The following PTK2 variants were observed in gnomAD, a reference collection of about 807,000 sequenced individuals.
The protein encoded by PTK2 is protein tyrosine kinase 2.
Under a neutral mutation model 150.1 loss-of-function variants are expected in PTK2, and 45 were observed. That is an observed-to-expected ratio of 0.30 (90% confidence interval 0.24 to 0.38). The LOEUF (loss-of-function observed/expected upper bound fraction) is 0.38, where lower values mean the gene tolerates loss of function less well. PTK2 is among the 10% of genes least tolerant of loss of function. The probability of loss-of-function intolerance (pLI) is 1.00; values close to 1 mark genes in which losing one functional copy is unlikely to be tolerated. For missense variants in PTK2, 919 were observed against 1,307.3 expected, an observed-to-expected ratio of 0.70 and a Z score of 4.58; for synonymous variants, 432 against 449.2, an observed-to-expected ratio of 0.96 and a Z score of 0.48.
chr8:140,782,958 G>C (rs1424559865), intron 14 of PTK2, among the ~76,000 whole-genome samples: 1 of 152,096 alleles, frequency 6.6e-6, no homozygotes, highest in African/African-American at 2.4e-5. Flanking sequence ...GTCAACATAG[G>C]CTAGGTGCAG....
chr8:140,704,753 G>A (rs1189531032), intron 24 of PTK2, among the ~76,000 whole-genome samples: 1 of 152,092 alleles, frequency 6.6e-6, no homozygotes, highest in East Asian at 1.9e-4. Flanking sequence ...CCATTGCTCT[G>A]ACCCTTGTGC....
At chr8:140,951,783 CT>C (rs1435152912) in intron 1 of PTK2, among the ~76,000 whole-genome samples, 1 of 151,742 alleles carries the variant, frequency 6.6e-6, no homozygotes, top group Non-Finnish European at 1.5e-5. Flanking sequence ...ACTTGGGAGA[CT>C]GAAATGGGCG....
intron 8 of PTK2, among the ~76,000 whole-genome samples, chr8:140,819,966 T>A (rs1597106351): frequency 6.7e-6 from 1 of 150,188 alleles, no homozygotes; most frequent in Non-Finnish European, 1.5e-5. Context: ...TGAGGTCTAA[T>A]GAAGAGGGGC....
chr8:140,668,532 G>GA, intron 29 of PTK2, 108 bp from the exon 34 acceptor site: 4 of 1,286,296 alleles, frequency 3.1e-6, no homozygotes, highest in Non-Finnish European at 4.3e-6. Flanking sequence ...GATTGCAGAA[G>GA]GTCATTGATT....
At chr8:140,820,092 T>G (rs2100107392) in intron 8 of PTK2, among the ~76,000 whole-genome samples, 4 of 64,412 alleles carry the variant, frequency 6.2e-5, no homozygotes, top group Admixed American at 1.6e-4. Context: ...TTTTTTTTTT[T>G]TTTTTTTTTT....
intron 8 of PTK2, among the ~76,000 whole-genome samples, chr8:140,829,906 G>A (rs1239388548): frequency 1.3e-5 from 2 of 152,096 alleles, no homozygotes; most frequent in Non-Finnish European, 2.9e-5. Flanking sequence ...GTGTGCTCTG[G>A]ATTAGCTGGG....
rs1206845751 is a variant in PTK2, at chr8:140,922,206, A to ACT, written c.-33+3453_-33+3454dup. On this transcript the variant is annotated intron_variant, in intron 2 of 31. Transcript: ENST00000522684. ...ACAGTTGTTTCATTTCTAACATGCT[A>ACT]CTCTTGATGATGGCTTTGTCTCTAG... Among the ~76,000 whole-genome samples, 6 of 151,868 alleles carry ACT rather than the reference A, an allele frequency of 4.0e-5. No homozygotes were observed. In the East Asian group the frequency reaches 1.2e-3, roughly 29 times the overall value.
intron 22 of PTK2, among the ~76,000 whole-genome samples, chr8:140,723,298 C>G (rs2100044029): frequency 6.6e-6 from 1 of 152,194 alleles, no homozygotes; most frequent in South Asian, 2.1e-4. Context: ...CGAGTTGTTC[C>G]TCAAAGAACA....
At chr8:140,810,194 G>C (rs1191330518) in intron 10 of PTK2, among the ~76,000 whole-genome samples, 1 of 152,240 alleles carries the variant, frequency 6.6e-6, no homozygotes, top group African/African-American at 2.4e-5. Context: ...GTGGCAGGGA[G>C]AGCTGCTTAG....
intron 22 of PTK2, among the ~76,000 whole-genome samples, chr8:140,732,810 A>C (rs1465742561): frequency 6.6e-6 from 1 of 152,200 alleles, no homozygotes; most frequent in African/African-American, 2.4e-5. Flanking sequence ...GGAGACTCAG[A>C]GGGTGAAGGC....
intron 21 of PTK2, among the ~76,000 whole-genome samples, chr8:140,736,527 C>A (rs1462561596): frequency 1.6e-3 from 229 of 143,212 alleles, no homozygotes; most frequent in Non-Finnish European, 2.1e-3. Context: ...ATCTAAAATT[C>A]AAAAAAAAAA....
intron 4 of PTK2, among the ~76,000 whole-genome samples, chr8:140,872,851 G>A (rs1239454675): frequency 1.3e-5 from 2 of 152,190 alleles, no homozygotes; most frequent in African/African-American, 4.8e-5. Flanking sequence ...TTTTAATTGA[G>A]GTAAAATTAA....
chr8:140,749,611 T>C (rs2100061525), intron 17 of PTK2, among the ~76,000 whole-genome samples: 1 of 152,268 alleles, frequency 6.6e-6, no homozygotes, highest in East Asian at 1.9e-4. Context: ...TTTTCTGTCC[T>C]GTCTGTGGAT....
chr8:140,743,187 A>C, intron 20 of PTK2, 43 bp downstream of exon 23: 1 of 1,316,290 alleles, frequency 7.6e-7, no homozygotes, highest in Non-Finnish European at 1.1e-6. Context: ...AAATACGTTA[A>C]AGATTCCAAG....
intron 16 of PTK2, among the ~76,000 whole-genome samples, chr8:140,754,598 T>C (rs1177263911): frequency 6.6e-6 from 1 of 152,212 alleles, no homozygotes; most frequent in Non-Finnish European, 1.5e-5. Flanking sequence ...TCAGTAAACA[T>C]GGTGCTTTAT....
intron 3 of PTK2, among the ~76,000 whole-genome samples, chr8:140,882,915 T>A (rs1600439572): frequency 6.6e-6 from 1 of 152,298 alleles, no homozygotes; most frequent in East Asian, 1.9e-4. Flanking sequence ...GAGTATCATT[T>A]ATCTCACATT....
chr8:140,828,072 CAGA>C (rs2100112934), intron 8 of PTK2, among the ~76,000 whole-genome samples: 1 of 149,782 alleles, frequency 6.7e-6, no homozygotes, highest in African/African-American at 2.5e-5. Context: ...GAGACTGAGG[CAGA>C]AGAATTGCTT....
intron 3 of PTK2, among the ~76,000 whole-genome samples, chr8:140,883,558 C>T (rs1336633768): frequency 2.0e-5 from 3 of 152,104 alleles, no homozygotes; most frequent in African/African-American, 7.2e-5. Context: ...CATTGTGTTT[C>T]TCTTTCAGAT....
At chr8:140,770,760 C>A (rs756426557) in intron 14 of PTK2, 2 of 1,354,760 alleles carry the variant, frequency 1.5e-6, no homozygotes, top group Non-Finnish European at 2.0e-6. Context: ...AGGGAGAAAG[C>A]GCCTAGCTTT....
Sources: allele counts gnomAD v4.1 joint callset (sites outside exome capture counted in the v4.1 genomes callset), GRCh38; gene constraint gnomAD v4.1.1; transcripts MANE v1.5; gene names NCBI Gene and HGNC (gene_info 2026-07-23, HGNC 2026-07-21).